The following ATP2C1 variants were observed in gnomAD, a reference collection of about 807,000 sequenced individuals.
The protein encoded by ATP2C1 is calcium-transporting ATPase type 2C member 1.
Under a neutral mutation model 120.5 loss-of-function variants are expected in ATP2C1, and 31 were observed. The observed-to-expected ratio is 0.26, with a 90% CI of 0.19 to 0.35. The LOEUF (loss-of-function observed/expected upper bound fraction) is 0.35. ATP2C1 is among the 10% of genes least tolerant of loss of function. ATP2C1 has a pLI of 1.00. For synonymous variants in ATP2C1, 351 were observed against 358.7 expected, an observed-to-expected ratio of 0.98 and a Z score of 0.24; for missense variants, 731 against 1,107.5, an observed-to-expected ratio of 0.66 and a Z score of 4.83.
At chr3:130,967,503 GT>G in intron 16 of ATP2C1, 84 bp downstream of exon 16, 5 of 1,171,118 alleles carry the variant, frequency 4.3e-6, no homozygotes, top group Admixed American at 1.8e-5. Context: ...AGTATTACTG[GT>G]TTTTAGGTAT....
At chr3:130,993,388 A>G (rs2062445738) in intron 21 of ATP2C1, among the ~76,000 whole-genome samples, 1 of 152,218 alleles carries the variant, frequency 6.6e-6, no homozygotes, top group African/African-American at 2.4e-5. Context: ...TATTTATATT[A>G]ATTAGTCAAA....
chr3:130,883,609 G>A (rs551307682), intron 1 of ATP2C1, among the ~76,000 whole-genome samples: 4 of 151,922 alleles, frequency 2.6e-5, no homozygotes, highest in East Asian at 1.9e-4. Flanking sequence ...CTGCCACGAC[G>A]CCCAGCTAAC....
chr3:130,950,913 T>C (rs964350885), intron 8 of ATP2C1, among the ~76,000 whole-genome samples: 2 of 152,150 alleles, frequency 1.3e-5, no homozygotes, highest in Non-Finnish European at 2.9e-5. Flanking sequence ...TCACTTCATG[T>C]TAGTATTTAT....
chr3:130,859,204 G>T (rs1385267600), intron 1 of ATP2C1, among the ~76,000 whole-genome samples: 3 of 152,232 alleles, frequency 2.0e-5, no homozygotes, highest in Non-Finnish European at 4.4e-5. Flanking sequence ...GTTTTATTTG[G>T]TTAGTGGTAA....
At chr3:131,016,304 A>C in exon 27 of ATP2C1, 1 of 1,614,158 alleles carries the variant, frequency 6.2e-7, no homozygotes, top group East Asian at 2.2e-5. Context: ...TCTGCATACA[A>C]CATCTTAGCA....
chr3:130,963,797 C>T, intron 12 of ATP2C1, 174 bp from the exon 13 acceptor site: 3 of 694,726 alleles, frequency 4.3e-6, no homozygotes, highest in Non-Finnish European at 7.1e-6. Context: ...CTTAACCTGG[C>T]AGCTACTAGG....
intron 17 of ATP2C1, among the ~76,000 whole-genome samples, chr3:130,970,408 C>CACACA (rs2061254694): frequency 1.6e-5 from 1 of 62,178 alleles, no homozygotes; most frequent in Non-Finnish European, 3.7e-5. Flanking sequence ...ACACACACAC[C>CACACA]CTTAAACTTT....
intron 1 of ATP2C1, among the ~76,000 whole-genome samples, chr3:130,861,027 T>C (rs551314156): frequency 1.3e-5 from 2 of 152,332 alleles, no homozygotes; most frequent in East Asian, 3.9e-4. Flanking sequence ...CCCAACACTT[T>C]GAGAGGCTGA....
chr3:130,931,016 C>T (rs897046296), intron 3 of ATP2C1, among the ~76,000 whole-genome samples: 1 of 152,028 alleles, frequency 6.6e-6, no homozygotes, highest in Admixed American at 6.6e-5. Flanking sequence ...TATGTAGGCT[C>T]TTCCTGGTTT....
chr3:130,928,346 G>A (rs1409300506), intron 2 of ATP2C1: 1 of 152,112 alleles, frequency 6.6e-6, no homozygotes, highest in Non-Finnish European at 1.5e-5. Context: ...TTTATTATAT[G>A]AAATAATACC....
intron 1 of ATP2C1, among the ~76,000 whole-genome samples, chr3:130,858,941 TA>T (rs2067929666): frequency 6.6e-6 from 1 of 152,166 alleles, no homozygotes; most frequent in Non-Finnish European, 1.5e-5. Flanking sequence ...GGGATTATGA[TA>T]TACTAATAAA....
chr3:130,930,534 GT>G lies in ATP2C1; in HGVS notation c.117+10del. The G allele has an allele frequency of 6.4e-7, 1 of 1,560,948 alleles. No homozygotes were observed. Among genetic ancestry groups the G allele is most frequent in the Non-Finnish European group, 8.8e-7 (1 of 1,131,590 alleles). On this transcript the variant is annotated intron_variant, in intron 3 of 27. Coordinates refer to ENST00000510168, the MANE Select transcript of ATP2C1 (RefSeq NM_001378687.1). ...GTTGCAAGCATTCTCCAAGTAAGTG[GT>G]TAGTGGGGAGGAAGGGACTAGATGG... is the stretch of plus-strand genomic sequence containing the variant.
chr3:130,948,848 T>G (rs1282956081), intron 8 of ATP2C1, among the ~76,000 whole-genome samples: 1 of 152,162 alleles, frequency 6.6e-6, no homozygotes, highest in East Asian at 1.9e-4. Context: ...CAATATTATG[T>G]CTATTATGGT....
At chr3:130,938,296 C>T (rs1258787455) in intron 6 of ATP2C1, among the ~76,000 whole-genome samples, 1 of 152,170 alleles carries the variant, frequency 6.6e-6, no homozygotes, top group Non-Finnish European at 1.5e-5. Flanking sequence ...ACAATATCAG[C>T]AGATTTCCTT....
At chr3:130,855,962 C>T (rs939269484) in intron 1 of ATP2C1, 6 of 151,916 alleles carry the variant, frequency 3.9e-5, no homozygotes, top group African/African-American at 7.3e-5. Flanking sequence ...ACCAATGTCT[C>T]GCTCTCTTGA....
chr3:130,995,619 G>A (rs1454878828), intron 22 of ATP2C1, among the ~76,000 whole-genome samples: 1 of 151,952 alleles, frequency 6.6e-6, no homozygotes, highest in Non-Finnish European at 1.5e-5. Flanking sequence ...TACATGTGTT[G>A]TATTAGTTGG....
chr3:130,981,790 C>T (rs1057317895), intron 20 of ATP2C1, among the ~76,000 whole-genome samples: 3 of 152,140 alleles, frequency 2.0e-5, no homozygotes, highest in South Asian at 2.1e-4. Flanking sequence ...TTTTAATGTG[C>T]GTTTCCCTCA....
intron 12 of ATP2C1, chr3:130,959,607 T>C (rs1033419101): frequency 5.3e-6 from 1 of 188,830 alleles, no homozygotes; most frequent in African/African-American, 2.4e-5. Flanking sequence ...CAATTAAGGA[T>C]TGTCAAATTG....
chr3:130,898,032 T>A (rs2069786768), intron 2 of ATP2C1, among the ~76,000 whole-genome samples: 1 of 152,244 alleles, frequency 6.6e-6, no homozygotes, highest in African/African-American at 2.4e-5. Flanking sequence ...AGAAAAGATA[T>A]GTCTAGCTGG....
Sources: gnomAD v4.1 joint callset for allele counts (sites outside exome capture counted in the v4.1 genomes callset) on GRCh38, gnomAD v4.1.1 for gene constraint, MANE v1.5 for transcripts, NCBI Gene and HGNC (gene_info 2026-07-23, HGNC 2026-07-21) for gene names.